Variants in CTNNAL1 observed in about 807,000 individuals in gnomAD.
CTNNAL1 encodes alpha-catulin.
CTNNAL1 carries 69 observed loss-of-function variants against 93.6 expected under a neutral mutation model. The observed-to-expected ratio is 0.74, with a 90% CI of 0.61 to 0.90. The LOEUF is 0.90. Among genes scored for constraint, CTNNAL1 ranks in the 40% least tolerant of loss-of-function variants. The probability of loss-of-function intolerance (pLI) is 0.00; values close to 1 mark genes in which losing one functional copy is unlikely to be tolerated. For synonymous variants in CTNNAL1, 286 were observed against 305.4 expected (o/e 0.94, Z 0.66); for missense variants, 836 against 862.0 (o/e 0.97, Z 0.38).
At chr9:109,009,082 G>A (rs1827131015) in intron 1 of CTNNAL1, among the ~76,000 whole-genome samples, 1 of 151,560 alleles carries the variant, frequency 6.6e-6, no homozygotes, top group African/African-American at 2.4e-5. Context: ...TTTTTGTAGA[G>A]ACGGGGTTTC....
Position 108,952,201 on chromosome 9 carries a change from A to G in CTNNAL1, c.1835+8T>C. ...TGATTTAAAAAATAAAAATACAACT[A>G]CATTTACCTAGTAAATAAATACAGA... is the stretch of plus-strand genomic sequence containing the variant. On this transcript the variant is annotated splice_region_variant and intron_variant, in intron 14 of 18. Coordinates refer to ENST00000325551, the MANE Select transcript of CTNNAL1 (RefSeq NM_003798.4). The G allele has an allele frequency of 6.3e-7, 1 of 1,597,890 alleles. No individual in the cohort carries two copies. The highest frequency in any genetic ancestry group is 8.5e-7 in the Non-Finnish European group (1 of 1,171,708).
At chr9:108,988,201 A>G (rs1213703474) in intron 4 of CTNNAL1, among the ~76,000 whole-genome samples, 1 of 152,208 alleles carries the variant, frequency 6.6e-6, no homozygotes, top group African/African-American at 2.4e-5. Flanking sequence ...CTTGTGCCTC[A>G]GCCTCCTGAG....
Position 108,952,373 on chromosome 9 carries a change from A to G in CTNNAL1, c.1681-10T>C, listed in dbSNP as rs1415799849. On this transcript the variant is annotated splice_polypyrimidine_tract_variant and intron_variant, in intron 13 of 18. Transcript: ENST00000325551. ...CTATCTTGGCTTGCTCCTATGAAACAGACGTTTTAATCACAACGACTTTAT... is the reference window on the plus strand; with the variant it reads ...CTATCTTGGCTTGCTCCTATGAAACGGACGTTTTAATCACAACGACTTTAT... 1.2e-6 allele frequency: 2 copies of G among 1,614,174 alleles called. No individual in the cohort carries two copies. The highest frequency in any genetic ancestry group is 1.7e-5 in the Admixed American group (1 of 60,014).
intron 2 of CTNNAL1, among the ~76,000 whole-genome samples, chr9:108,996,735 C>T (rs1262342335): frequency 1.3e-5 from 2 of 151,006 alleles, no homozygotes; most frequent in Non-Finnish European, 2.9e-5. Flanking sequence ...TTTTTTTAAC[C>T]ACAAAGCTTT....
chr9:108,983,369 C>T (rs1002566389), intron 5 of CTNNAL1, 54 bp from the exon 6 acceptor site: 2 of 1,353,860 alleles, frequency 1.5e-6, no homozygotes, highest in African/African-American at 1.5e-5. Context: ...TCATAATGCA[C>T]AAAAATCTTA....
At chr9:108,953,814 G>T (rs182202742) in intron 12 of CTNNAL1, among the ~76,000 whole-genome samples, 4 of 147,814 alleles carry the variant, frequency 2.7e-5, no homozygotes, top group Non-Finnish European at 1.5e-5. Context: ...ACACACACAT[G>T]CACACACACA....
chr9:108,990,861 T>G lies in CTNNAL1; in HGVS notation c.520-16A>C, dbSNP rs777303249. The stretch of plus-strand genomic sequence containing the variant: ...TTGCGAGAACCTGCAAAACAGATAA[T>G]AATTCATTATTTGGTGAGAGCTACT... On this transcript the variant is annotated splice_polypyrimidine_tract_variant and intron_variant, in intron 3 of 18. Coordinates refer to ENST00000325551, the MANE Select transcript of CTNNAL1 (RefSeq NM_003798.4). The G allele has an allele frequency of 6.2e-7, 1 of 1,606,906 alleles. No individual in the cohort carries two copies. The highest frequency in any genetic ancestry group is 8.5e-7 in the Non-Finnish European group (1 of 1,177,312).
chr9:109,004,925 G>A (rs1280386205), intron 1 of CTNNAL1, among the ~76,000 whole-genome samples: 2 of 151,986 alleles, frequency 1.3e-5, no homozygotes, highest in African/African-American at 4.8e-5. Flanking sequence ...TAATCCTCAG[G>A]TATTATTAAA....
chr9:108,950,821 A>G, intron 14 of CTNNAL1: 1 of 505,800 alleles, frequency 2.0e-6, no homozygotes, highest in Non-Finnish European at 3.4e-6. Flanking sequence ...ATAGAGATAC[A>G]TTGTGTCCCT....
intron 12 of CTNNAL1, among the ~76,000 whole-genome samples, chr9:108,955,580 C>T (rs573978295): frequency 6.6e-6 from 1 of 152,232 alleles, no homozygotes; most frequent in African/African-American, 2.4e-5. Context: ...TACCTATTCT[C>T]TCAAACCCCC....
Position 108,953,701 on chromosome 9 carries a change from C to A in CTNNAL1, c.1630-1207G>T, listed in dbSNP as rs1055330537. On this transcript the variant is annotated intron_variant, in intron 12 of 18. Transcript: ENST00000325551. ...CAAAACAGCCTCGTGGAGTTTAGAT[C>A]TGCTCATGGAACATAGCCCTTTTGA... 2.0e-5 allele frequency among the ~76,000 whole-genome samples: 3 copies of A among 152,290 alleles called. No homozygotes were observed. In the East Asian group the frequency reaches 5.8e-4, roughly 29 times the overall value.
chr9:108,988,269 A>T (rs1207544946), intron 4 of CTNNAL1, among the ~76,000 whole-genome samples: 1 of 152,140 alleles, frequency 6.6e-6, no homozygotes, highest in Non-Finnish European at 1.5e-5. Flanking sequence ...TTTTTAGAAG[A>T]GATGGGGTTT....
intron 12 of CTNNAL1, among the ~76,000 whole-genome samples, chr9:108,953,426 T>G (rs1435451899): frequency 2.0e-5 from 3 of 152,166 alleles, no homozygotes; most frequent in African/African-American, 4.8e-5. Flanking sequence ...GGGGGCCAAC[T>G]TTTTACAATG....
At chr9:108,946,284 C>T (rs1251933995) in intron 15 of CTNNAL1, among the ~76,000 whole-genome samples, 13 of 141,304 alleles carry the variant, frequency 9.2e-5, no homozygotes, top group East Asian at 2.1e-4. Flanking sequence ...GACAACAGAG[C>T]GAGACTAAGT....
chr9:109,007,864 T>C (rs1402112089), intron 1 of CTNNAL1, among the ~76,000 whole-genome samples: 1 of 152,212 alleles, frequency 6.6e-6, no homozygotes, highest in Non-Finnish European at 1.5e-5. Context: ...CAATTTTGTG[T>C]TCACCACTCC....
intron 9 of CTNNAL1, among the ~76,000 whole-genome samples, chr9:108,972,298 G>A (rs1456549768): frequency 1.3e-5 from 2 of 152,084 alleles, no homozygotes; most frequent in African/African-American, 4.8e-5. Context: ...ATTGTAAACA[G>A]CTTCTTTATT....
In CTNNAL1 at chr9:108,972,849, TGGGTGGGGGGGTGGGA is replaced by T; in HGVS notation, c.1189-32_1189-17del. 1.0e-4 allele frequency: 8 copies of T among 76,996 alleles called. No homozygotes were observed. Among genetic ancestry groups the T allele is most frequent in the Non-Finnish European group, 1.6e-4 (8 of 51,090 alleles). 4.8% of individuals were successfully genotyped at this position (76,996 alleles called of 1,614,324 possible). The stretch of plus-strand genomic sequence containing the variant: ...TACTATGAAGCTGCAGATGTGTGTG[TGGGTGGGGGGGTGGGA>T]GGGTGGAGAAGGAGAAGGGTGATGA... On this transcript the variant is annotated splice_polypyrimidine_tract_variant and intron_variant, in intron 8 of 18. Transcript: ENST00000325551.
chr9:109,004,473 C>T (rs115462465), intron 1 of CTNNAL1, among the ~76,000 whole-genome samples: 1 of 152,112 alleles, frequency 6.6e-6, no homozygotes, highest in Non-Finnish European at 1.5e-5. Flanking sequence ...GCCATATTGC[C>T]TTCTCTGACT....
chr9:109,008,488 G>T (rs2132223384), intron 1 of CTNNAL1, among the ~76,000 whole-genome samples: 1 of 152,188 alleles, frequency 6.6e-6, no homozygotes, highest in Non-Finnish European at 1.5e-5. Context: ...TTTCTCTAGG[G>T]GTACTGACTT....
Sources: gnomAD v4.1 joint callset for allele counts (sites outside exome capture counted in the v4.1 genomes callset) on GRCh38, gnomAD v4.1.1 for gene constraint, MANE v1.5 for transcripts, NCBI Gene and HGNC (gene_info 2026-07-23, HGNC 2026-07-21) for gene names.